Variants in KIF16B observed in about 807,000 individuals in gnomAD.
KIF16B encodes the protein kinesin family member 16B, also known as kinesin-like protein KIF16B.
KIF16B carries 98 observed loss-of-function variants against 156.3 expected under a neutral mutation model. That is an observed-to-expected ratio of 0.63 (90% CI 0.53 to 0.74). KIF16B has a LOEUF of 0.74. Ranked by LOEUF, KIF16B falls within the 30% of genes least tolerant of loss-of-function variation. The pLI is 0.00. For synonymous variants in KIF16B, 564 were observed against 583.7 expected, an observed-to-expected ratio of 0.97 and a Z score of 0.49; for missense variants, 1,421 against 1,606.5, an observed-to-expected ratio of 0.88 and a Z score of 1.97.
At chr20:16,545,402 C>T (rs989880270) in intron 1 of KIF16B, among the ~76,000 whole-genome samples, 2 of 151,372 alleles carry the variant, frequency 1.3e-5, no homozygotes, top group African/African-American at 2.4e-5. Flanking sequence ...AGGTGGCTCC[C>T]GCCTGTAATC....
chr20:16,487,062 G>A (rs1056163555), intron 12 of KIF16B, among the ~76,000 whole-genome samples: 3 of 152,036 alleles, frequency 2.0e-5, no homozygotes, highest in African/African-American at 7.2e-5. Context: ...GATCATCTTG[G>A]CTAACACGGT....
intron 9 of KIF16B, among the ~76,000 whole-genome samples, chr20:16,504,928 GA>G (rs11482078): frequency 6.0e-5 from 9 of 149,956 alleles, no homozygotes; most frequent in East Asian, 5.8e-4. Flanking sequence ...CTACTGTCTG[GA>G]AAAAAAAACA....
chr20:16,476,077 C>T (rs115050199), intron 12 of KIF16B, among the ~76,000 whole-genome samples: 1 of 152,344 alleles, frequency 6.6e-6, no homozygotes, highest in Non-Finnish European at 1.5e-5. Context: ...GTATCTGTCA[C>T]GTCTTCAGAC....
intron 1 of KIF16B, among the ~76,000 whole-genome samples, chr20:16,531,516 G>A (rs151099658): frequency 5.3e-4 from 80 of 152,246 alleles, no homozygotes; most frequent in Admixed American, 1.4e-3. Context: ...GTACCAACGC[G>A]ACTGCCCCAG....
rs189859655 is a variant in KIF16B at position 16,542,897 on chromosome 20, G to A, written c.48-14457C>T. 9.7e-4 allele frequency among the ~76,000 whole-genome samples: 147 copies of A among 152,308 alleles called. No individual in the cohort carries two copies. The Middle Eastern group carries it at 0.014, about 14-fold the overall frequency. On this transcript the variant is annotated intron_variant, in intron 1 of 25. Transcript: ENST00000354981. ...TTTAAAAGGCCCCTCTGGTTGGTGT[G>A]CATAGACTCTAGAGGGATGGCAGTC...
chr20:16,307,295 G>A (rs2063555066), intron 25 of KIF16B, among the ~76,000 whole-genome samples: 1 of 152,048 alleles, frequency 6.6e-6, no homozygotes, highest in South Asian at 2.1e-4. Flanking sequence ...AATGTTCTCT[G>A]AAATTAATAA....
chr20:16,313,786 G>A (rs976745507), intron 24 of KIF16B, among the ~76,000 whole-genome samples: 1 of 152,176 alleles, frequency 6.6e-6, no homozygotes, highest in Non-Finnish European at 1.5e-5. Flanking sequence ...TTTCACTGCA[G>A]TACAGTATTC....
chr20:16,386,367 G>A (rs1165136485), intron 17 of KIF16B, among the ~76,000 whole-genome samples: 1 of 152,090 alleles, frequency 6.6e-6, no homozygotes, highest in Non-Finnish European at 1.5e-5. Context: ...GGAATGCCAA[G>A]TAAAATGCAG....
chr20:16,547,095 C>A (rs2070439868), intron 1 of KIF16B, among the ~76,000 whole-genome samples: 1 of 152,110 alleles, frequency 6.6e-6, no homozygotes, highest in African/African-American at 2.4e-5. Flanking sequence ...TTTTTAAATT[C>A]TTGTGAATTA....
In KIF16B at chr20:16,556,654, C is replaced by G. The variant is rs2070861258; in HGVS notation, c.47+16575G>C. On this transcript the variant is annotated intron_variant, in intron 1 of 25. Transcript: ENST00000354981. Reference sequence around the variant, plus strand: ...GGTGGCTTAATAGGCCCTATATGAGCCACACTTCCCTATTCTGGGCCCACA... The same window carrying G: ...GGTGGCTTAATAGGCCCTATATGAGGCACACTTCCCTATTCTGGGCCCACA... Among the ~76,000 whole-genome samples the G allele has an allele frequency of 2.0e-5, 3 of 152,160 alleles. No homozygotes were observed. In the South Asian group the frequency reaches 6.2e-4, roughly 32 times the overall value.
At chr20:16,282,278 C>T (rs1013611666) in intron 25 of KIF16B, among the ~76,000 whole-genome samples, 1 of 151,758 alleles carries the variant, frequency 6.6e-6, no homozygotes, top group African/African-American at 2.4e-5. Flanking sequence ...GCTGATATGC[C>T]CGCCTCAGCC....
At chr20:16,484,750 C>T (rs376504170) in intron 12 of KIF16B, among the ~76,000 whole-genome samples, 5 of 152,172 alleles carry the variant, frequency 3.3e-5, no homozygotes, top group African/African-American at 1.2e-4. Flanking sequence ...AATGATATCT[C>T]AAAATCCTCT....
At chr20:16,406,161 C>A (rs1447839140) in intron 16 of KIF16B, among the ~76,000 whole-genome samples, 1 of 152,132 alleles carries the variant, frequency 6.6e-6, no homozygotes, top group African/African-American at 2.4e-5. Context: ...GCAGTTTCTC[C>A]CTGTCTGCTC....
Position 16,389,043 on chromosome 20 carries a change from G to A in KIF16B, c.1785-7296C>T, listed in dbSNP as rs370341670. Among the ~76,000 whole-genome samples the A allele has an allele frequency of 1.8e-4, 27 of 152,154 alleles. No homozygotes were observed. In the East Asian group the frequency reaches 4.3e-3, roughly 24 times the overall value. ...AGGGAGACCCCCTGGCAACAGAGGC[G>A]GTCTCCCTATGGGACAGTCATATTG... On this transcript the variant is annotated intron_variant, in intron 17 of 25. Coordinates refer to ENST00000354981, the MANE Select transcript of KIF16B (RefSeq NM_024704.5).
At chr20:16,474,179 G>T (rs1453926707) in intron 12 of KIF16B, among the ~76,000 whole-genome samples, 1 of 152,102 alleles carries the variant, frequency 6.6e-6, no homozygotes, top group Non-Finnish European at 1.5e-5. Flanking sequence ...AACCCCTCCT[G>T]ACATCCTTGC....
intron 11 of KIF16B, among the ~76,000 whole-genome samples, chr20:16,495,535 G>A (rs1036004299): frequency 3.9e-5 from 6 of 152,210 alleles, no homozygotes; most frequent in Non-Finnish European, 8.8e-5. Flanking sequence ...AAATAAGACT[G>A]TGGGAATTCT....
At chr20:16,315,759 A>T (rs1396581975) in intron 24 of KIF16B, among the ~76,000 whole-genome samples, 1 of 152,188 alleles carries the variant, frequency 6.6e-6, no homozygotes, top group African/African-American at 2.4e-5. Flanking sequence ...TCTCCAAGTA[A>T]AAACTAAGAA....
chr20:16,398,623 A>G (rs1436774889), intron 17 of KIF16B, among the ~76,000 whole-genome samples: 1 of 152,182 alleles, frequency 6.6e-6, no homozygotes, highest in African/African-American at 2.4e-5. Context: ...AATCTGTCCT[A>G]CATGTTCTTT....
At chr20:16,406,513 A>G (rs2065791297) in intron 15 of KIF16B, 57 bp from the exon 16 acceptor site, 1 of 1,349,434 alleles carries the variant, frequency 7.4e-7, no homozygotes, top group Non-Finnish European at 1.1e-6. Context: ...TCAGTTGCCA[A>G]TACCATAACA....
Sources: gnomAD v4.1 joint callset for allele counts (sites outside exome capture counted in the v4.1 genomes callset) on GRCh38, gnomAD v4.1.1 for gene constraint, MANE v1.5 for transcripts, NCBI Gene and HGNC (gene_info 2026-07-23, HGNC 2026-07-21) for gene names.